The following TASP1 variants were observed in gnomAD, a reference collection of about 807,000 sequenced individuals.
The protein encoded by TASP1 is threonine aspartase 1.
A neutral mutation model predicts 56.6 loss-of-function variants in TASP1; 16 were observed. That is an observed-to-expected ratio of 0.28 (90% confidence interval 0.19 to 0.43). TASP1 has a LOEUF of 0.43. Ranked by LOEUF, TASP1 falls within the 20% of genes least tolerant of loss-of-function variation. TASP1 has a pLI of 1.00. For missense variants in TASP1, 393 were observed against 511.6 expected, an observed-to-expected ratio of 0.77 and a Z score of 2.24; for synonymous variants, 179 against 184.2, an observed-to-expected ratio of 0.97 and a Z score of 0.23.
chr20:13,579,630 G>A (rs537693362), intron 6 of TASP1, among the ~76,000 whole-genome samples: 6 of 152,102 alleles, frequency 3.9e-5, no homozygotes, highest in African/African-American at 1.4e-4. Context: ...GGGTTACAAG[G>A]GTGAGCCACC....
At chr20:13,109,624 TA>T in the TASP1 span, among the ~76,000 whole-genome samples, 64 of 152,336 alleles carry the variant, frequency 4.2e-4, no homozygotes, top group Non-Finnish European at 7.5e-4. Flanking sequence ...CCCACTGCTT[TA>T]AAGTTTTGAA....
chr20:13,269,951 GGATGGATGGATGGATA>G, the TASP1 span, among the ~76,000 whole-genome samples: 4 of 151,962 alleles, frequency 2.6e-5, no homozygotes, highest in African/African-American at 9.7e-5. Flanking sequence ...ATGGATGGAT[GGATGGATGGATGGATA>G]GATGGATATG....
intron 6 of TASP1, among the ~76,000 whole-genome samples, chr20:13,572,058 A>G (rs987488513): frequency 1.3e-5 from 2 of 152,060 alleles, no homozygotes; most frequent in Non-Finnish European, 2.9e-5. Flanking sequence ...ACCTTCTTCC[A>G]CCTTCTAACA....
intron 10 of TASP1, among the ~76,000 whole-genome samples, chr20:13,516,775 G>A (rs1194745177): frequency 6.7e-6 from 1 of 150,308 alleles, no homozygotes; most frequent in East Asian, 2.0e-4. Context: ...AAAAAAATCT[G>A]AGAAATTAAA....
At chr20:13,117,521 CG>C in the TASP1 span, 1 of 1,596,110 alleles carries the variant, frequency 6.3e-7, no homozygotes, top group Non-Finnish European at 8.5e-7. Flanking sequence ...AAGGTTCCAT[CG>C]TGCATCTGCC....
the TASP1 span, among the ~76,000 whole-genome samples, chr20:13,329,160 G>T: frequency 6.6e-6 from 1 of 152,102 alleles, no homozygotes; most frequent in African/African-American, 2.4e-5. Context: ...GAGATAGAAT[G>T]AATTGTGTCC....
At chr20:13,269,254 AG>A in the TASP1 span, among the ~76,000 whole-genome samples, 3 of 152,186 alleles carry the variant, frequency 2.0e-5, no homozygotes, top group Admixed American at 2.0e-4. Flanking sequence ...CTATCCCTGA[AG>A]GCTGGAGTAA....
the TASP1 span, among the ~76,000 whole-genome samples, chr20:13,224,951 T>G: frequency 6.6e-6 from 1 of 150,474 alleles, no homozygotes; most frequent in Non-Finnish European, 1.5e-5. Flanking sequence ...GTTCATGCCA[T>G]TCTCCTGCCT....
chr20:13,458,738 G>A (rs1199761372), intron 11 of TASP1, among the ~76,000 whole-genome samples: 1 of 152,100 alleles, frequency 6.6e-6, no homozygotes, highest in Non-Finnish European at 1.5e-5. Flanking sequence ...GGACTCCTAA[G>A]CCCTGTGGTT....
chr20:13,620,067 C>T (rs898719299), intron 4 of TASP1, among the ~76,000 whole-genome samples: 15 of 152,194 alleles, frequency 9.9e-5, no homozygotes, highest in African/African-American at 3.1e-4. Flanking sequence ...CTTTTGCACC[C>T]GCCCCTCCTT....
chr20:13,447,978 G>A (rs1402577103), intron 11 of TASP1, among the ~76,000 whole-genome samples: 2 of 152,070 alleles, frequency 1.3e-5, no homozygotes, highest in Non-Finnish European at 2.9e-5. Context: ...TAATGCTTAT[G>A]TAATCAAAAT....
the TASP1 span, among the ~76,000 whole-genome samples, chr20:13,121,049 G>A: frequency 1.1e-4 from 16 of 152,196 alleles, no homozygotes; most frequent in African/African-American, 3.9e-4. Flanking sequence ...ATGGGACTAG[G>A]TTTCTTATTT....
chr20:13,192,951 C>T, the TASP1 span, among the ~76,000 whole-genome samples: 1 of 152,060 alleles, frequency 6.6e-6, no homozygotes, highest in East Asian at 1.9e-4. Flanking sequence ...TCACAAGGTA[C>T]AGGAGAGAAA....
intron 4 of TASP1, 39 bp downstream of exon 4, chr20:13,623,407 A>T (rs2048785411): frequency 6.5e-7 from 1 of 1,539,058 alleles, no homozygotes; most frequent in South Asian, 1.1e-5. Flanking sequence ...ATAAAGATAA[A>T]CTCACAAATA....
intron 12 of TASP1, among the ~76,000 whole-genome samples, chr20:13,434,401 T>A (rs1181842247): frequency 2.0e-5 from 3 of 152,164 alleles, no homozygotes; most frequent in Non-Finnish European, 2.9e-5. Context: ...CACAACTCTG[T>A]GCCTTCACAG....
intron 13 of TASP1, among the ~76,000 whole-genome samples, chr20:13,414,120 T>C (rs1017885432): frequency 6.6e-6 from 1 of 152,206 alleles, no homozygotes; most frequent in African/African-American, 2.4e-5. Flanking sequence ...AGTTGTCACA[T>C]CTCTTTAGAA....
intron 13 of TASP1, among the ~76,000 whole-genome samples, chr20:13,394,751 G>A (rs1486485594): frequency 6.6e-6 from 1 of 152,086 alleles, no homozygotes; most frequent in Non-Finnish European, 1.5e-5. Flanking sequence ...GGGATCCACT[G>A]GCCGTGTAGT....
At chr20:13,214,444 G>C in the TASP1 span, among the ~76,000 whole-genome samples, 6 of 151,942 alleles carry the variant, frequency 3.9e-5, no homozygotes, top group South Asian at 1.3e-3. Context: ...GGGCAACAGT[G>C]GTGACTAGGA....
chr20:13,394,883 A>G (rs991470947), intron 13 of TASP1, among the ~76,000 whole-genome samples: 8 of 152,240 alleles, frequency 5.3e-5, no homozygotes, highest in African/African-American at 1.2e-4. Context: ...TATTAGGGCT[A>G]TATCTTTTTA....
Sources: allele counts gnomAD v4.1 joint callset (sites outside exome capture counted in the v4.1 genomes callset), GRCh38; gene constraint gnomAD v4.1.1; transcripts MANE v1.5; gene names NCBI Gene and HGNC (gene_info 2026-07-23, HGNC 2026-07-21).